MEMO1: variants seen among roughly 807,000 people sequenced by gnomAD.
MEMO1 encodes mediator of cell motility 1.
In MEMO1, 6 loss-of-function variants were observed where a neutral mutation model predicts 45.2. The observed-to-expected ratio is 0.13, with a 90% confidence interval of 0.07 to 0.26. The LOEUF (loss-of-function observed/expected upper bound fraction) is 0.26, where lower values mean the gene tolerates loss of function less well. Ranked by LOEUF, MEMO1 falls within the 10% of genes least tolerant of loss-of-function variation. The pLI is 1.00. For synonymous variants in MEMO1, 78 were observed against 124.3 expected (o/e 0.63, Z 2.48); for missense variants, 184 against 370.5 (o/e 0.50, Z 4.13).
At chr2:31,894,633 G>A (rs1304469375) in intron 6 of MEMO1, among the ~76,000 whole-genome samples, 1 of 152,158 alleles carries the variant, frequency 6.6e-6, no homozygotes, top group African/African-American at 2.4e-5. Context: ...CAAAACGCAG[G>A]CTGAGAGACT....
chr2:31,970,219 C>G lies in MEMO1; in HGVS notation c.62-26836G>C, dbSNP rs114751759. Among the ~76,000 whole-genome samples the G allele has an allele frequency of 7.3e-3, 1,116 of 152,236 alleles. 15 individuals carry two copies. Among genetic ancestry groups the G allele is most frequent in the African/African-American group, 0.026 (1,078 of 41,536 alleles). ...CTCCTGACCTCAAGCAATCCGCCAC[C>G]TCGGCCTCCCAAAGTGCTGAGATTA... is the stretch of plus-strand genomic sequence containing the variant. On this transcript the variant is annotated intron_variant, in intron 2 of 9. Coordinates refer to ENST00000404530, the MANE Select transcript of MEMO1 (RefSeq NM_001301833.4).
intron 8 of MEMO1, among the ~76,000 whole-genome samples, chr2:31,874,051 T>G (rs577369512): frequency 2.0e-5 from 3 of 152,226 alleles, no homozygotes; most frequent in Admixed American, 6.5e-5. Context: ...ACATTCAAAT[T>G]AAGTGAAGTA....
Position 31,970,845 on chromosome 2 carries a change from A to G in MEMO1, c.62-27462T>C, listed in dbSNP as rs191096909. On this transcript the variant is annotated intron_variant, in intron 2 of 9. Coordinates refer to ENST00000404530, the MANE Select transcript of MEMO1 (RefSeq NM_001301833.4). ...GTGGTGAAACCCCGTCTCTACTAAA[A>G]ATAGACCAATTAGCTGGACATGGTG... Among the ~76,000 whole-genome samples the G allele has an allele frequency of 1.5e-3, 223 of 152,214 alleles. 1 individual carries two copies. Among genetic ancestry groups the G allele is most frequent in the Middle Eastern group, 6.8e-3 (2 of 294 alleles).
At chr2:31,970,098 A>G (rs976095440) in intron 2 of MEMO1, among the ~76,000 whole-genome samples, 6 of 151,968 alleles carry the variant, frequency 3.9e-5, no homozygotes, top group Admixed American at 2.0e-4. Context: ...CAGCCTCCTG[A>G]GTAGCTGGGA....
chr2:31,916,691 T>C (rs964076289), intron 6 of MEMO1, among the ~76,000 whole-genome samples: 11 of 152,196 alleles, frequency 7.2e-5, no homozygotes, highest in Non-Finnish European at 1.2e-4. Context: ...TTCTGAAGAA[T>C]TAGGATGTAT....
At chr2:31,943,181 C>T (rs571926720) in intron 3 of MEMO1, 121 bp downstream of exon 3, 3 of 757,906 alleles carry the variant, frequency 4.0e-6, no homozygotes, top group East Asian at 4.9e-5. Context: ...AGGAGAGTCG[C>T]TTGAACCTGG....
At chr2:31,906,718 T>C (rs975499909) in intron 6 of MEMO1, among the ~76,000 whole-genome samples, 2 of 152,176 alleles carry the variant, frequency 1.3e-5, no homozygotes, top group African/African-American at 4.8e-5. Flanking sequence ...AATACAAGTA[T>C]TTTACAACGG....
At chr2:31,887,611 G>C (rs1344092932) in intron 7 of MEMO1, among the ~76,000 whole-genome samples, 1 of 152,094 alleles carries the variant, frequency 6.6e-6, no homozygotes, top group East Asian at 1.9e-4. Context: ...TATTATGTAA[G>C]TAGCATCAAA....
chr2:31,999,349 T>C (rs1200442000), intron 2 of MEMO1, among the ~76,000 whole-genome samples: 1 of 152,078 alleles, frequency 6.6e-6, no homozygotes, highest in Non-Finnish European at 1.5e-5. Context: ...AACCTTCCAA[T>C]GACCATCTGA....
At chr2:31,890,624 A>C (rs946821431) in intron 7 of MEMO1, among the ~76,000 whole-genome samples, 2 of 152,142 alleles carry the variant, frequency 1.3e-5, no homozygotes, top group Non-Finnish European at 2.9e-5. Flanking sequence ...AAAGAAGAAG[A>C]ACCCTGAGAG....
intron 6 of MEMO1, among the ~76,000 whole-genome samples, chr2:31,905,971 C>A (rs183149897): frequency 1.3e-5 from 2 of 151,812 alleles, no homozygotes; most frequent in East Asian, 1.9e-4. Context: ...TTCTTTTTTT[C>A]TTTATTTTTT....
chr2:31,896,623 T>C (rs998575716), intron 6 of MEMO1, among the ~76,000 whole-genome samples: 16 of 152,180 alleles, frequency 1.1e-4, no homozygotes, highest in Admixed American at 2.0e-4. Context: ...AAAGTTTTCT[T>C]AAATTTGATA....
chr2:31,943,682 A>G (rs1018002554), intron 2 of MEMO1, among the ~76,000 whole-genome samples: 1 of 152,214 alleles, frequency 6.6e-6, no homozygotes, highest in African/African-American at 2.4e-5. Context: ...AAACAAAATA[A>G]AACAGGAAGC....
intron 2 of MEMO1, among the ~76,000 whole-genome samples, chr2:31,970,499 C>A (rs907764053): frequency 3.3e-5 from 5 of 152,028 alleles, no homozygotes; most frequent in African/African-American, 1.2e-4. Context: ...AACACCTATT[C>A]TATGTTAGAC....
intron 2 of MEMO1, among the ~76,000 whole-genome samples, chr2:31,978,342 C>T (rs944390726): frequency 1.3e-5 from 2 of 152,072 alleles, no homozygotes; most frequent in African/African-American, 4.8e-5. Context: ...AGCCCGAGAT[C>T]AGGTCATTGC....
chr2:31,976,728 CT>C (rs1048394235), intron 2 of MEMO1, among the ~76,000 whole-genome samples: 1 of 152,138 alleles, frequency 6.6e-6, no homozygotes, highest in Admixed American at 6.5e-5. Context: ...ACAAATATAG[CT>C]TTTTTTCTTT....
chr2:31,908,595 AG>A (rs1298851521), intron 6 of MEMO1, among the ~76,000 whole-genome samples: 2 of 152,208 alleles, frequency 1.3e-5, no homozygotes, highest in African/African-American at 2.4e-5. Flanking sequence ...GAATACTTAA[AG>A]GGTAATGAAC....
chr2:31,891,652 T>C (rs894939900), intron 7 of MEMO1, among the ~76,000 whole-genome samples: 2 of 152,084 alleles, frequency 1.3e-5, no homozygotes, highest in Admixed American at 6.6e-5. Context: ...ATTGGATTTA[T>C]CCACCAAAAC....
At chr2:31,923,705 A>G (rs1258616759) in intron 4 of MEMO1, 1 of 1,547,918 alleles carries the variant, frequency 6.5e-7, no homozygotes, top group African/African-American at 1.4e-5. Context: ...GAGAGAAAGG[A>G]TATTTAACAT....
Sources: gnomAD v4.1 joint callset for allele counts (sites outside exome capture counted in the v4.1 genomes callset) on GRCh38, gnomAD v4.1.1 for gene constraint, MANE v1.5 for transcripts, NCBI Gene and HGNC (gene_info 2026-07-23, HGNC 2026-07-21) for gene names.